The following CFAP44 variants were observed in gnomAD, a reference collection of about 807,000 sequenced individuals.
CFAP44 encodes the protein cilia and flagella associated protein 44, also known as cilia- and flagella-associated protein 44.
Under a neutral mutation model 216.2 loss-of-function variants are expected in CFAP44, and 134 were observed. The ratio of observed to expected loss-of-function variants is 0.62; its 90% CI spans 0.54 to 0.72. The LOEUF (loss-of-function observed/expected upper bound fraction) is 0.72. Among genes scored for constraint, CFAP44 ranks in the 30% least tolerant of loss-of-function variants. CFAP44 has a pLI of 0.00. For missense variants in CFAP44, 2,035 were observed against 2,182.1 expected, an observed-to-expected ratio of 0.93 and a Z score of 1.34; for synonymous variants, 700 against 727.6, an observed-to-expected ratio of 0.96 and a Z score of 0.61.
intron 32 of CFAP44, among the ~76,000 whole-genome samples, chr3:113,302,782 A>C (rs1378679791): frequency 2.0e-5 from 3 of 150,906 alleles, no homozygotes; most frequent in Non-Finnish European, 4.4e-5. Flanking sequence ...CAAAAAAAAA[A>C]AAAAAAAAAG....
intron 34 of CFAP44, chr3:113,294,427 T>A (rs1949861238): frequency 2.4e-6 from 1 of 416,608 alleles, no homozygotes. Flanking sequence ...ACCTTACACC[T>A]CTCCAGGACC....
At chr3:113,379,609 C>G in intron 16 of CFAP44, 58 bp from the exon 17 acceptor site, 1 of 1,363,482 alleles carries the variant, frequency 7.3e-7, no homozygotes, top group Admixed American at 2.1e-5. Flanking sequence ...CGTTCATTTA[C>G]ACCATTAGGG....
chr3:113,441,507 G>C (rs978809325), upstream of CFAP44: 1 of 985,310 alleles, frequency 1.0e-6, no homozygotes, highest in African/African-American at 1.7e-5. Context: ...GGAGGCCTCC[G>C]TTTACTCCGG....
At chr3:113,341,035 G>A (rs1200216769) in intron 24 of CFAP44, among the ~76,000 whole-genome samples, 4 of 152,208 alleles carry the variant, frequency 2.6e-5, no homozygotes, top group African/African-American at 7.2e-5. Context: ...GTTGATGCCT[G>A]TCAGCGTGCT....
intron 5 of CFAP44, chr3:113,417,474 GA>G (rs1032744117): frequency 2.0e-5 from 3 of 152,028 alleles, no homozygotes; most frequent in Non-Finnish European, 2.9e-5. Context: ...GCCAAAAAAT[GA>G]AAATAAAAAT....
intron 28 of CFAP44, among the ~76,000 whole-genome samples, chr3:113,310,201 G>A (rs778561104): frequency 1.3e-5 from 2 of 152,174 alleles, no homozygotes; most frequent in Non-Finnish European, 2.9e-5. Context: ...TGGAGGCCAT[G>A]TGATAGCCTG....
intron 19 of CFAP44, among the ~76,000 whole-genome samples, chr3:113,363,826 A>G (rs1035693740): frequency 6.6e-6 from 1 of 152,190 alleles, no homozygotes; most frequent in Non-Finnish European, 1.5e-5. Context: ...GTAAATTACT[A>G]ATGTTCATAT....
intron 28 of CFAP44, among the ~76,000 whole-genome samples, chr3:113,319,213 T>C (rs952453337): frequency 6.6e-6 from 1 of 152,090 alleles, no homozygotes; most frequent in Non-Finnish European, 1.5e-5. Context: ...ATTATACCCA[T>C]TGGCTCAAAG....
intron 5 of CFAP44, among the ~76,000 whole-genome samples, chr3:113,418,124 G>C (rs1322831390): frequency 1.3e-5 from 2 of 151,898 alleles, no homozygotes; most frequent in Admixed American, 6.6e-5. Context: ...CTGTCACTCT[G>C]TCACCCAGGC....
intron 33 of CFAP44, among the ~76,000 whole-genome samples, chr3:113,295,138 A>G (rs982066119): frequency 3.9e-5 from 6 of 152,220 alleles, no homozygotes; most frequent in Admixed American, 6.5e-5. Context: ...GTGATAATTT[A>G]AGCAGCTAAC....
chr3:113,318,406 A>C (rs1950109029), intron 28 of CFAP44, among the ~76,000 whole-genome samples: 1 of 152,176 alleles, frequency 6.6e-6, no homozygotes, highest in South Asian at 2.1e-4. Flanking sequence ...AAATGAACCA[A>C]ATCTCTGAAA....
chr3:113,381,874 GCAAAT>G (rs1933519574), intron 15 of CFAP44, among the ~76,000 whole-genome samples: 1 of 152,160 alleles, frequency 6.6e-6, no homozygotes, highest in South Asian at 2.1e-4. Context: ...TTGTCATTTA[GCAAAT>G]CAGGTAAATA....
intron 18 of CFAP44, among the ~76,000 whole-genome samples, chr3:113,369,395 C>T (rs1933071209): frequency 6.6e-6 from 1 of 152,194 alleles, no homozygotes; most frequent in African/African-American, 2.4e-5. Context: ...GACCACAGTG[C>T]AATCAAACTA....
chr3:113,435,981 A>C (rs1438813522), intron 1 of CFAP44, among the ~76,000 whole-genome samples: 6 of 145,976 alleles, frequency 4.1e-5, no homozygotes, highest in South Asian at 2.2e-4. Flanking sequence ...CTTTCCTTCC[A>C]CCTAATTGTA....
At chr3:113,402,230 T>C (rs138757399) in intron 9 of CFAP44, among the ~76,000 whole-genome samples, 169 of 152,338 alleles carry the variant, frequency 1.1e-3, no homozygotes, top group African/African-American at 3.9e-3. Flanking sequence ...TTAGAAAATG[T>C]TTCTCTTCCT....
chr3:113,401,030 C>T (rs576598744), intron 11 of CFAP44, among the ~76,000 whole-genome samples: 9 of 152,128 alleles, frequency 5.9e-5, no homozygotes, highest in African/African-American at 2.2e-4. Flanking sequence ...ATTGACACGG[C>T]CACTTTTCTG....
rs1949809961 is a variant in CFAP44 at position 113,289,664 on chromosome 3, C to T, written c.*1893G>A. ...CTGGCATTCACACCCTGTTCAGTCC[C>T]CTCCCACATCACACAGGGTCAGCCT... On this transcript the variant is annotated 3_prime_UTR_variant, in exon 35 of 35. Coordinates refer to ENST00000393845, the MANE Select transcript of CFAP44 (RefSeq NM_001164496.2). The T allele has an allele frequency of 6.6e-6, 1 of 152,202 alleles. No individual in the cohort carries two copies. The highest frequency in any genetic ancestry group is 1.5e-5 in the Non-Finnish European group (1 of 68,042). 9.4% of individuals were successfully genotyped at this position (152,202 alleles called of 1,614,324 possible).
rs751661226 is a variant in CFAP44, at chr3:113,330,491, G to T, written c.3793C>A (p.Pro1265Thr). Residue 1265 changes from proline (P) to threonine (T), a missense_variant, in exon 26 of 35, where the codon CCA (proline) becomes ACA (threonine). Pro to Thr is a conservative substitution (Grantham distance 38). Coordinates refer to ENST00000393845, the MANE Select transcript of CFAP44 (RefSeq NM_001164496.2). The stretch of plus-strand genomic sequence containing the variant: ...TCATCATACTGAAATCTCTTTTCTG[G>T]AACTTCTTCTGGGTGTATCTGAGGA... ...KIPQIHPEEV[P>T]EKRFQYDEET... 2.6e-6 allele frequency: 4 copies of T among 1,536,990 alleles called. No homozygotes were observed. Among genetic ancestry groups the T allele is most frequent in the African/African-American group, 2.7e-5 (2 of 72,962 alleles).
At chr3:113,326,337 G>A (rs1176092833) in intron 28 of CFAP44, 108 bp downstream of exon 28, 16 of 1,032,588 alleles carry the variant, frequency 1.5e-5, no homozygotes, top group Admixed American at 3.4e-5. Flanking sequence ...TCTCTACATT[G>A]TCCATGTTAT....
Sources: allele counts gnomAD v4.1 joint callset (sites outside exome capture counted in the v4.1 genomes callset), GRCh38; gene constraint gnomAD v4.1.1; transcripts MANE v1.5; gene names NCBI Gene and HGNC (gene_info 2026-07-23, HGNC 2026-07-21).